The following DMD variants were observed in gnomAD, a reference collection of about 807,000 sequenced individuals.
DMD encodes mutant dystrophin.
In DMD, 63 loss-of-function variants were observed where a neutral mutation model predicts 330.1. The ratio of observed to expected loss-of-function variants is 0.19; its 90% CI spans 0.16 to 0.24. The LOEUF is 0.24. DMD is among the 10% of genes least tolerant of loss of function. DMD has a pLI of 1.00. For synonymous variants in DMD, 1,223 were observed against 959.8 expected, an observed-to-expected ratio of 1.27 and a Z score of -5.07; for missense variants, 3,344 against 2,684.1, an observed-to-expected ratio of 1.25 and a Z score of -5.43.
chrX:32,574,193 T>G (rs2052757205), intron 13 of DMD, among the ~76,000 whole-genome samples: 1 of 111,747 alleles, frequency 8.9e-6, no homozygotes, highest in Admixed American at 9.5e-5. Context: ...TCCTTAGGTT[T>G]GAAAATACAC....
At chrX:31,174,155 T>C (rs185222064) in intron 71 of DMD, among the ~76,000 whole-genome samples, 1 of 111,598 alleles carries the variant, frequency 9.0e-6, no homozygotes, top group East Asian at 2.8e-4. Context: ...TATCTTCCAA[T>C]TCAGCAGCAA....
chrX:32,948,107 G>A (rs2090943989), intron 2 of DMD, among the ~76,000 whole-genome samples: 1 of 92,509 alleles, frequency 1.1e-5, no homozygotes, highest in Admixed American at 1.1e-4. Context: ...GACAGTGAGA[G>A]AAACAGACAC....
intron 2 of DMD, among the ~76,000 whole-genome samples, chrX:32,958,175 T>C (rs1460460216): frequency 1.8e-5 from 2 of 111,545 alleles, no homozygotes; most frequent in Non-Finnish European, 3.8e-5. Context: ...TTGATCCAAG[T>C]GGTGATCTGA....
At chrX:32,906,168 C>T (rs2086709677) in intron 2 of DMD, among the ~76,000 whole-genome samples, 1 of 111,613 alleles carries the variant, frequency 9.0e-6, no homozygotes, top group African/African-American at 3.3e-5. Flanking sequence ...CGGTGTTTCT[C>T]ATTAATGGTG....
intron 7 of DMD, among the ~76,000 whole-genome samples, chrX:32,796,820 A>G (rs1048347214): frequency 2.9e-4 from 32 of 112,030 alleles, no homozygotes; most frequent in African/African-American, 1.0e-3. Flanking sequence ...GACAACTATA[A>G]ATCTTCAGGT....
chrX:31,347,927 C>A (rs1357263683), intron 61 of DMD, among the ~76,000 whole-genome samples: 3 of 111,825 alleles, frequency 2.7e-5, no homozygotes, highest in African/African-American at 9.7e-5. Flanking sequence ...TGGGGTAAGA[C>A]GATATATCAT....
chrX:31,858,608 A>C (rs1239011013), intron 48 of DMD, among the ~76,000 whole-genome samples: 1 of 110,260 alleles, frequency 9.1e-6, no homozygotes, highest in Non-Finnish European at 1.9e-5. Context: ...AATAAAATAG[A>C]TAATTCTTAA....
intron 4 of DMD, among the ~76,000 whole-genome samples, chrX:32,840,676 G>C: frequency 1.8e-5 from 2 of 112,000 alleles, no homozygotes; most frequent in Admixed American, 1.9e-4. Flanking sequence ...TTAATTGAAA[G>C]AAATCATAGT....
At position 33,071,019 on chromosome X, in the gene DMD, T is replaced by C. The variant is rs754284658; in HGVS notation, c.32-50819A>G. Among the ~76,000 whole-genome samples, 3 of 111,010 alleles carry C rather than the reference T, an allele frequency of 2.7e-5. No individual in the cohort carries two copies. The Admixed American group carries it at 2.9e-4, about 11-fold the overall frequency. The stretch of plus-strand genomic sequence containing the variant: ...CCTACATACTCATTGCTCTCTATTA[T>C]ACAAAGAAGGAACACAGAGAAAAGA... On this transcript the variant is annotated intron_variant, in intron 1 of 78. Transcript: ENST00000357033.
intron 44 of DMD, among the ~76,000 whole-genome samples, chrX:32,139,243 C>T (rs1449875340): frequency 1.8e-5 from 2 of 111,803 alleles, no homozygotes; most frequent in Non-Finnish European, 3.8e-5. Context: ...ATAAAACAAG[C>T]GCCCCTTAAG....
At chrX:32,720,572 CTG>C (rs1296404973) in intron 7 of DMD, among the ~76,000 whole-genome samples, 2 of 111,282 alleles carry the variant, frequency 1.8e-5, no homozygotes, top group East Asian at 5.7e-4. Flanking sequence ...AATAAGCAAA[CTG>C]AGAAAATCAT....
At chrX:31,929,977 A>G (rs1183795011) in intron 46 of DMD, among the ~76,000 whole-genome samples, 1 of 111,325 alleles carries the variant, frequency 9.0e-6, no homozygotes, top group Non-Finnish European at 1.9e-5. Context: ...TCCCTCATAA[A>G]TTTTTTAAGA....
intron 74 of DMD, among the ~76,000 whole-genome samples, chrX:31,165,366 T>C (rs1438377890): frequency 8.9e-6 from 1 of 112,566 alleles, no homozygotes; most frequent in East Asian, 2.8e-4. Flanking sequence ...CCTCGTGTTA[T>C]ATAACATCTA....
chrX:32,364,543 G>A (rs758501872), intron 36 of DMD, 39 bp downstream of exon 36: 4 of 1,198,824 alleles, frequency 3.3e-6, no homozygotes, highest in South Asian at 1.8e-5. Flanking sequence ...AGTAACTGGT[G>A]TACAATTTGG....
At chrX:31,205,781 C>T (rs1293538414) in intron 66 of DMD, among the ~76,000 whole-genome samples, 1 of 112,392 alleles carries the variant, frequency 8.9e-6, no homozygotes, top group Non-Finnish European at 1.9e-5. Flanking sequence ...GCTTTTATCT[C>T]CTGCCTGTCC....
At chrX:31,485,533 A>G (rs930054506) in intron 57 of DMD, among the ~76,000 whole-genome samples, 1 of 111,576 alleles carries the variant, frequency 9.0e-6, no homozygotes, top group Admixed American at 9.6e-5. Flanking sequence ...CTTCCTGCTT[A>G]TATTATAAAA....
chrX:32,927,147 G>A (rs2089114702), intron 2 of DMD, among the ~76,000 whole-genome samples: 1 of 111,225 alleles, frequency 9.0e-6, no homozygotes, highest in Admixed American at 9.6e-5. Flanking sequence ...AGGTATGCCT[G>A]TGGCAGAAAA....
chrX:32,978,920 T>G (rs146399330), intron 2 of DMD, among the ~76,000 whole-genome samples: 1,762 of 112,361 alleles, frequency 0.016, 41 homozygotes, highest in African/African-American at 0.053. Context: ...AGTCACTGTT[T>G]TAAACACAAT....
At chrX:32,202,884 C>A (rs1048019711) in intron 44 of DMD, among the ~76,000 whole-genome samples, 1 of 112,093 alleles carries the variant, frequency 8.9e-6, no homozygotes, top group African/African-American at 3.2e-5. Context: ...AATGTAAAAA[C>A]CCAGGAAGTA....
Sources: gnomAD v4.1 joint callset for allele counts (sites outside exome capture counted in the v4.1 genomes callset) on GRCh38, gnomAD v4.1.1 for gene constraint, MANE v1.5 for transcripts, NCBI Gene and HGNC (gene_info 2026-07-23, HGNC 2026-07-21) for gene names.